The following TAX1BP1 variants were observed in gnomAD, a reference collection of about 807,000 sequenced individuals.
The protein encoded by TAX1BP1 is tax1-binding protein 1.
A neutral mutation model predicts 97.7 loss-of-function variants in TAX1BP1; 62 were observed. That is an observed-to-expected ratio of 0.63 (90% CI 0.52 to 0.78). TAX1BP1 has a LOEUF of 0.78. Ranked by LOEUF, TAX1BP1 falls within the 30% of genes least tolerant of loss-of-function variation. The probability of loss-of-function intolerance (pLI) is 0.00; values close to 1 mark genes in which losing one functional copy is unlikely to be tolerated. For synonymous variants in TAX1BP1, 340 were observed against 304.2 expected (o/e 1.12, Z -1.23); for missense variants, 867 against 916.1 (o/e 0.95, Z 0.69).
At chr7:27,814,045 C>T (rs1790665155) in intron 13 of TAX1BP1, among the ~76,000 whole-genome samples, 1 of 151,290 alleles carries the variant, frequency 6.6e-6, no homozygotes, top group Non-Finnish European at 1.5e-5. Context: ...ATCCGCCCGC[C>T]TCGGCCTCCC....
At chr7:27,752,750 G>A (rs1281100734) in intron 2 of TAX1BP1, among the ~76,000 whole-genome samples, 1 of 152,158 alleles carries the variant, frequency 6.6e-6, no homozygotes, top group Non-Finnish European at 1.5e-5. Flanking sequence ...CCTCTCATCT[G>A]AGCATTATAC....
chr7:27,828,516 G>A (rs1782558981), intron 16 of TAX1BP1, 112 bp from the exon 17 acceptor site: 2 of 955,854 alleles, frequency 2.1e-6, no homozygotes, highest in Admixed American at 2.5e-5. Context: ...TTTAAGGTAG[G>A]TTGTTTAGTA....
rs535781439 is a variant in TAX1BP1, at chr7:27,798,868, A to G, written c.1639-1097A>G. On this transcript the variant is annotated intron_variant, in intron 12 of 16. Coordinates refer to ENST00000396319, the MANE Select transcript of TAX1BP1 (RefSeq NM_006024.7). ...TGGTCGAATCTTTTTGGTAGTTTAA[A>G]TATAGGGTTGTTCATCTTGAGTTGT... 2.2e-4 allele frequency among the ~76,000 whole-genome samples: 33 copies of G among 149,632 alleles called. 2 individuals carry two copies. In the South Asian group the frequency reaches 4.4e-3, roughly 20 times the overall value.
chr7:27,742,336 G>A (rs879011559), intron 1 of TAX1BP1, among the ~76,000 whole-genome samples: 1 of 152,168 alleles, frequency 6.6e-6, no homozygotes, highest in Non-Finnish European at 1.5e-5. Flanking sequence ...CACAGTTTTT[G>A]TGTCCCTGGG....
chr7:27,780,058 A>G (rs565351656), intron 5 of TAX1BP1, among the ~76,000 whole-genome samples: 168 of 152,318 alleles, frequency 1.1e-3, no homozygotes, highest in African/African-American at 3.7e-3. Flanking sequence ...TGTAGTTACT[A>G]TGGTTGAAAG....
At position 27,748,545 on chromosome 7, in the gene TAX1BP1, C is replaced by T; in HGVS notation, c.21C>T (p.Val7=). 6.3e-7 allele frequency: 1 copy of T among 1,595,708 alleles called. No homozygotes were observed. The highest frequency in any genetic ancestry group is 8.5e-7 in the Non-Finnish European group (1 of 1,169,874). ...TCACAATGACATCCTTTCAAGAAGT[C>T]CCATTGCAGACTTCCAACTTTGCCC... MTSFQE[V]PLQTSNFAHV... The change falls in exon 2 of 17, where the codon GTC becomes GTT. Residue 7 remains valine, a synonymous_variant. Coordinates refer to ENST00000396319, the MANE Select transcript of TAX1BP1 (RefSeq NM_006024.7).
chr7:27,817,173 C>A, intron 15 of TAX1BP1, 135 bp downstream of exon 15: 5 of 1,068,364 alleles, frequency 4.7e-6, no homozygotes, highest in East Asian at 2.8e-5. Flanking sequence ...GTGCTTGTGC[C>A]TGCACACAAT....
chr7:27,809,090 C>A (rs1368277164), intron 13 of TAX1BP1, among the ~76,000 whole-genome samples: 2 of 152,052 alleles, frequency 1.3e-5, no homozygotes, highest in Admixed American at 1.3e-4. Flanking sequence ...TGTGCTTATT[C>A]TTTTAAATGT....
rs113835191 is a variant in TAX1BP1 at position 27,740,830 on chromosome 7, C to G, written c.-8+561C>G. 1.9e-4 allele frequency among the ~76,000 whole-genome samples: 29 copies of G among 152,278 alleles called. No individual in the cohort carries two copies. The Middle Eastern group carries it at 0.014, about 71-fold the overall frequency. On this transcript the variant is annotated intron_variant, in intron 1 of 16. Transcript: ENST00000396319. Reference sequence around the variant, plus strand: ...CCCTGCGCCGCCTACTTTTGAGGGCCGCGGGCGGAGTTGGCGGTTCTGGCT... The same window carrying G: ...CCCTGCGCCGCCTACTTTTGAGGGCGGCGGGCGGAGTTGGCGGTTCTGGCT...
chr7:27,756,212 T>C (rs1788207816), intron 2 of TAX1BP1, among the ~76,000 whole-genome samples: 2 of 152,180 alleles, frequency 1.3e-5, no homozygotes, highest in Non-Finnish European at 2.9e-5. Context: ...CATACTTTCA[T>C]GTGGGAGCTT....
At chr7:27,754,453 C>T (rs1788135630) in intron 2 of TAX1BP1, among the ~76,000 whole-genome samples, 2 of 150,242 alleles carry the variant, frequency 1.3e-5, no homozygotes, top group South Asian at 4.2e-4. Context: ...TCCTACAGTC[C>T]CACTACCCAA....
At chr7:27,746,375 T>G (rs982855186) in intron 1 of TAX1BP1, among the ~76,000 whole-genome samples, 1 of 129,788 alleles carries the variant, frequency 7.7e-6, no homozygotes, top group Non-Finnish European at 1.7e-5. Context: ...CAGTAGTGAG[T>G]TTTTTTTTTT....
chr7:27,822,056 A>G (rs1385412034), intron 15 of TAX1BP1, among the ~76,000 whole-genome samples: 1 of 152,200 alleles, frequency 6.6e-6, no homozygotes, highest in African/African-American at 2.4e-5. Context: ...TGAGCATCCA[A>G]AATCCGAAAC....
Position 27,750,596 on chromosome 7 carries a change from G to A in TAX1BP1, c.162+1910G>A, listed in dbSNP as rs1168021816. 2.6e-5 allele frequency among the ~76,000 whole-genome samples: 4 copies of A among 152,318 alleles called. No homozygotes were observed. In the East Asian group the frequency reaches 7.7e-4, roughly 29 times the overall value. ...GATAAGTTTCATTCTGTCTATGGACGACCTTCAGTGTTAGAGAGTTTATGG... is the reference window on the plus strand; with the variant it reads ...GATAAGTTTCATTCTGTCTATGGACAACCTTCAGTGTTAGAGAGTTTATGG... On this transcript the variant is annotated intron_variant, in intron 2 of 16. Transcript: ENST00000396319.
intron 5 of TAX1BP1, among the ~76,000 whole-genome samples, chr7:27,775,169 C>T (rs1788984710): frequency 6.6e-6 from 1 of 151,984 alleles, no homozygotes; most frequent in African/African-American, 2.4e-5. Flanking sequence ...AAAAATAATC[C>T]AAGTAAACTA....
chr7:27,813,750 C>T (rs1028580198), intron 13 of TAX1BP1, among the ~76,000 whole-genome samples: 6 of 152,166 alleles, frequency 3.9e-5, no homozygotes, highest in African/African-American at 1.2e-4. Flanking sequence ...CAGTGAGAAA[C>T]AGGAAATGAA....
intron 13 of TAX1BP1, among the ~76,000 whole-genome samples, chr7:27,801,139 A>AC (rs1430957405): frequency 3.3e-5 from 5 of 151,502 alleles, no homozygotes; most frequent in African/African-American, 1.2e-4. Flanking sequence ...AGAAAAAAAA[A>AC]AAACAGGCTG....
intron 13 of TAX1BP1, among the ~76,000 whole-genome samples, chr7:27,811,240 G>GA (rs1034046917): frequency 7.2e-5 from 11 of 152,128 alleles, no homozygotes; most frequent in Non-Finnish European, 1.6e-4. Context: ...TGAAAGGCAG[G>GA]AATGCCATCT....
At chr7:27,782,092 CT>C (rs977955103) in intron 5 of TAX1BP1, among the ~76,000 whole-genome samples, 13 of 152,242 alleles carry the variant, frequency 8.5e-5, no homozygotes, top group African/African-American at 3.1e-4. Context: ...TTTTCACTCT[CT>C]TTTTAAAAAC....
Sources: allele counts gnomAD v4.1 joint callset (sites outside exome capture counted in the v4.1 genomes callset), GRCh38; gene constraint gnomAD v4.1.1; transcripts MANE v1.5; gene names NCBI Gene and HGNC (gene_info 2026-07-23, HGNC 2026-07-21).